Variants in IQCN observed in about 807,000 individuals in gnomAD.
IQCN encodes the protein IQ motif containing N, also known as IQ domain-containing protein N.
IQCN carries 46 observed loss-of-function variants against 64.4 expected under a neutral mutation model. The ratio of observed to expected loss-of-function variants is 0.71; its 90% confidence interval spans 0.56 to 0.91. The LOEUF (loss-of-function observed/expected upper bound fraction) is 0.91. Ranked by LOEUF, IQCN falls within the 40% of genes least tolerant of loss-of-function variation. IQCN has a pLI of 0.00. For synonymous variants in IQCN, 733 were observed against 775.6 expected (o/e 0.95, Z 0.91); for missense variants, 1,753 against 1,857.4 (o/e 0.94, Z 1.03).
At chr19:18,269,145 A>C (rs1182223261) in intron 2 of IQCN, among the ~76,000 whole-genome samples, 6 of 151,658 alleles carry the variant, frequency 4.0e-5, no homozygotes, top group Non-Finnish European at 8.8e-5. Flanking sequence ...AAAAGGAAAG[A>C]AGGAAGGAAG....
intron 1 of IQCN, among the ~76,000 whole-genome samples, chr19:18,269,799 C>G (rs1377600910): frequency 6.6e-6 from 1 of 151,428 alleles, no homozygotes; most frequent in African/African-American, 2.4e-5. Flanking sequence ...CAAATGAATA[C>G]AGAAGTATGT....
In IQCN at chr19:18,264,407, C is replaced by T. The variant is rs1307861114; in HGVS notation, c.3133G>A (p.Ala1045Thr). ...ACGGGGCCCAGGGAGGGCCCCCATG[C>T]GGCCGATGGACTCCTCCTGCAGGCC... ...KVACRRSPSAAWGPSLGPVRP... is the reference protein window; with the variant it reads ...KVACRRSPSATWGPSLGPVRP... Residue 1045 changes from alanine (A) to threonine (T), a missense_variant, in exon 3 of 4, where the codon GCA (alanine) becomes ACA (threonine). Ala to Thr is a moderately conservative substitution (Grantham distance 58, BLOSUM62 0). Transcript: ENST00000392413. The surrounding 1 kb of genome is among the most constrained non-coding windows in gnomAD (Gnocchi z 4.3). 9.1e-6 allele frequency: 14 copies of T among 1,531,404 alleles called. No homozygotes were observed. Among genetic ancestry groups the T allele is most frequent in the African/African-American group, 2.7e-5 (2 of 72,754 alleles). The allele number at this position is 1,531,404 out of a possible 1,614,324, so 94.9% of individuals were successfully genotyped here.
intron 2 of IQCN, among the ~76,000 whole-genome samples, chr19:18,268,231 AG>A (rs1408292460): frequency 2.0e-5 from 3 of 150,774 alleles, no homozygotes; most frequent in African/African-American, 7.3e-5. Flanking sequence ...AAAAAGAGAG[AG>A]AGAGAAGTGT....
In IQCN at chr19:18,264,294, C is replaced by T; in HGVS notation, c.3177+69G>A. On this transcript the variant is annotated intron_variant, in intron 3 of 3. Coordinates refer to ENST00000392413, the MANE Select transcript of IQCN (RefSeq NM_001145304.2). This position sits in a 1 kb window ranked among gnomAD's most constrained non-coding sequence, Gnocchi z 4.3. ...CAAGATGGCCCCATCAATCCCCCAT[C>T]TCCTCCAAGGGCCCGGCAGGTTGGC... 1 of 1,331,220 alleles carries T rather than the reference C, an allele frequency of 7.5e-7. No individual in the cohort carries two copies. Among genetic ancestry groups the T allele is most frequent in the Non-Finnish European group, 1.0e-6 (1 of 1,003,964 alleles). The allele number at this position is 1,331,220 out of a possible 1,614,324, so 82.5% of individuals were successfully genotyped here.
rs779170236 is a variant in IQCN at position 18,266,175 on chromosome 19, G to C, written c.1365C>G (p.Pro455=). ...CPGPAMAKTP[P]QMHPVTTPAK... ...CTGGGGTGGTGACCGGGTGCATCTG[G>C]GGTGGGGTCTTTGCCATCGCAGGCC... Residue 455 remains proline (P), a synonymous_variant, in exon 3 of 4, where the codon CCC becomes CCG. Transcript: ENST00000392413. This position sits in a 1 kb window ranked among gnomAD's most constrained non-coding sequence, Gnocchi z 4.3. The C allele has an allele frequency of 2.5e-6, 4 of 1,614,058 alleles. No individual in the cohort carries two copies. Among genetic ancestry groups the C allele is most frequent in the Middle Eastern group, 1.6e-4 (1 of 6,084 alleles).
At chr19:18,263,425 A>C (rs915548774) in intron 3 of IQCN, among the ~76,000 whole-genome samples, 24 of 152,186 alleles carry the variant, frequency 1.6e-4, no homozygotes, top group African/African-American at 5.8e-4. Context: ...TTCTGGGGGC[A>C]GAGCAGGGCA....
chr19:18,258,296 C>T (rs1969358432), intron 3 of IQCN, 190 bp from the exon 4 acceptor site: 1 of 727,882 alleles, frequency 1.4e-6, no homozygotes, highest in Non-Finnish European at 2.4e-6. Context: ...AGGAGTGTGT[C>T]ATCTCCCCAG....
intron 3 of IQCN, chr19:18,258,423 G>C (rs754285473): frequency 2.7e-5 from 16 of 599,448 alleles, no homozygotes; most frequent in South Asian, 2.3e-4. Flanking sequence ...CCTGGCCACA[G>C]AACTTTCTAG....
At chr19:18,262,996 G>A (rs886588750) in intron 3 of IQCN, among the ~76,000 whole-genome samples, 1 of 152,112 alleles carries the variant, frequency 6.6e-6, no homozygotes, top group Non-Finnish European at 1.5e-5. Flanking sequence ...CAGTGAACAC[G>A]CAAGGTCAAG....
Position 18,265,259 on chromosome 19 carries a change from G to T in IQCN, c.2281C>A (p.Gln761Lys). The stretch of plus-strand genomic sequence containing the variant: ...GTGTTGCTGCTGAGATCAGCAGCCT[G>T]GTGCGCTGGGATGAGGCACGTGGTT... ...DITTCLIPAH[Q>K]AADLSSNTHS... The change falls in exon 3 of 4, where the codon CAG becomes AAG. Residue 761 changes from glutamine (Q) to lysine (K), a missense_variant. Coordinates refer to ENST00000392413, the MANE Select transcript of IQCN (RefSeq NM_001145304.2). The surrounding 1 kb of genome is among the most constrained non-coding windows in gnomAD (Gnocchi z 4.7). The T allele has an allele frequency of 5.0e-6, 8 of 1,613,748 alleles. No homozygotes were observed. The highest frequency in any genetic ancestry group is 6.8e-6 in the Non-Finnish European group (8 of 1,179,934).
Position 18,257,574 on chromosome 19 carries a change from G to C in IQCN, c.3710C>G (p.Ser1237Cys), listed in dbSNP as rs1969325525. ...HACSVCHSLSSRIGSPPSVVM... is the reference protein window; with the variant it reads ...HACSVCHSLSCRIGSPPSVVM... ...CACGCTGGGCGGGCTCCCGATCCTG[G>C]AGCTCAGGGAGTGGCAGACGCTGCA... Residue 1237 changes from serine (S) to cysteine (C), a missense_variant, in exon 4 of 4, where the codon TCC becomes TGC. Coordinates refer to ENST00000392413, the MANE Select transcript of IQCN (RefSeq NM_001145304.2). 5 of 1,612,740 alleles carry C rather than the reference G, an allele frequency of 3.1e-6. No homozygotes were observed. The highest frequency in any genetic ancestry group is 1.3e-5 in the African/African-American group (1 of 75,066).
In IQCN at chr19:18,266,723, G is replaced by A. The variant is rs1302945771; in HGVS notation, c.817C>T (p.His273Tyr). ...GTCTTCACTGAGTCACCCTCTATGTGGACGAGGCAGGTGCTTCTGATGGTT... is the reference window on the plus strand; with the variant it reads ...GTCTTCACTGAGTCACCCTCTATGTAGACGAGGCAGGTGCTTCTGATGGTT... ...TRTIRSTCLV[H>Y]IEGDSVKTKR... is the part of the protein sequence containing the mutation. Residue 273 changes from histidine to tyrosine, a missense_variant, in exon 3 of 4, where the codon CAC (histidine) becomes TAC (tyrosine). Physicochemically the swap from His to Tyr is moderately conservative, Grantham distance 83 (BLOSUM62 2). Transcript: ENST00000392413. The surrounding 1 kb of genome is among the most constrained non-coding windows in gnomAD (Gnocchi z 4.3). 1.9e-6 allele frequency: 3 copies of A among 1,614,058 alleles called. No individual in the cohort carries two copies. Among genetic ancestry groups the A allele is most frequent in the Non-Finnish European group, 1.7e-6 (2 of 1,180,040 alleles).
intron 3 of IQCN, 132 bp from the exon 4 acceptor site, chr19:18,258,238 A>G: frequency 1.0e-6 from 1 of 978,564 alleles, no homozygotes; most frequent in Non-Finnish European, 1.6e-6. Flanking sequence ...GAAGACTCAT[A>G]GCCTAGAGAC....
intron 1 of IQCN, among the ~76,000 whole-genome samples, chr19:18,270,935 A>G (rs1335620008): frequency 6.6e-6 from 1 of 151,946 alleles, no homozygotes; most frequent in Non-Finnish European, 1.5e-5. Context: ...GCACTTCGGG[A>G]GGCCAAGGCA....
intron 1 of IQCN, among the ~76,000 whole-genome samples, chr19:18,273,191 T>C (rs1969778960): frequency 6.7e-6 from 1 of 149,746 alleles, no homozygotes; most frequent in South Asian, 2.1e-4. Context: ...GCCACCACAC[T>C]TGGCTAACTT....
At position 18,257,239 on chromosome 19, in the gene IQCN, G is replaced by A; in HGVS notation, c.4045C>T (p.Leu1349Phe). The change falls in exon 4 of 4, where the codon CTC becomes TTC. Residue 1349 changes from leucine to phenylalanine, a missense_variant. Transcript: ENST00000392413. ...GCCGAGGGGTCTGCTGGTCCCAAGAGCGCCTCTGTGTTCTTCAGACAGCTC... is the reference window on the plus strand; with the variant it reads ...GCCGAGGGGTCTGCTGGTCCCAAGAACGCCTCTGTGTTCTTCAGACAGCTC... ...TRSCLKNTEA[L>F]LGPADPSASS... 6.2e-7 allele frequency: 1 copy of A among 1,613,716 alleles called. No homozygotes were observed. The highest frequency in any genetic ancestry group is 8.5e-7 in the Non-Finnish European group (1 of 1,180,040).
intron 1 of IQCN, among the ~76,000 whole-genome samples, chr19:18,269,869 T>A (rs1259247421): frequency 6.6e-6 from 1 of 151,762 alleles, no homozygotes; most frequent in Non-Finnish European, 1.5e-5. Context: ...ACCAAAATTA[T>A]CAATGGAGAC....
At position 18,264,790 on chromosome 19, in the gene IQCN, T is replaced by C. The variant is rs1969512733; in HGVS notation, c.2750A>G (p.Lys917Arg). 1 of 1,552,270 alleles carries C rather than the reference T, an allele frequency of 6.4e-7. No individual in the cohort carries two copies. The highest frequency in any genetic ancestry group is 1.2e-5 in the South Asian group (1 of 84,468). ...VWAALNQALS[K>R]EVLGATVTKA... is the part of the protein sequence containing the mutation. The stretch of plus-strand genomic sequence containing the variant: ...GGTGACAGTGGCACCCAGGACCTCC[T>C]TGGACAGGGCCTGGTTCAGAGCTGC... The change falls in exon 3 of 4, where the codon AAG becomes AGG. Residue 917 changes from lysine (K) to arginine (R), a missense_variant. Transcript: ENST00000392413. The surrounding 1 kb of genome is among the most constrained non-coding windows in gnomAD (Gnocchi z 4.3).
At position 18,257,758 on chromosome 19, in the gene IQCN, G is replaced by A. The variant is rs747925264; in HGVS notation, c.3526C>T (p.Arg1176Cys). 51 of 1,611,092 alleles carry A rather than the reference G, an allele frequency of 3.2e-5. No homozygotes were observed. The highest frequency in any genetic ancestry group is 2.4e-4 in the South Asian group (22 of 90,960). ...TGCCAGTGCCGGGCTTGGTCCCGGC[G>A]GGTGCTGTAGCCGCGCCAGGCAGAC... is the stretch of plus-strand genomic sequence containing the variant. ...IQSAWRGYST[R>C]RDQARHWQML... Residue 1176 changes from arginine to cysteine, a missense_variant, in exon 4 of 4, where the codon CGC becomes TGC. Arg to Cys is a radical substitution (Grantham distance 180). Transcript: ENST00000392413.
Sources: allele counts gnomAD v4.1 joint callset (sites outside exome capture counted in the v4.1 genomes callset), GRCh38; gene constraint gnomAD v4.1.1; non-coding constraint Gnocchi (gnomAD v3.1); transcripts MANE v1.5; gene names NCBI Gene and HGNC (gene_info 2026-07-23, HGNC 2026-07-21).